Variants in ZNF718 observed in about 807,000 individuals in gnomAD.
ZNF718 encodes the protein zinc finger protein 718.
A neutral mutation model predicts 2.6 loss-of-function variants in ZNF718; 3 were observed. That is an observed-to-expected ratio of 1.16 (90% CI 0.53 to 3.01). ZNF718 has a LOEUF of 3.01. ZNF718 is among the 30% of genes most tolerant of loss of function. The probability of loss-of-function intolerance (pLI) is 0.03; values close to 1 mark genes in which losing one functional copy is unlikely to be tolerated. For synonymous variants in ZNF718, 135 were observed against 77.9 expected (o/e 1.73, Z -3.86); for missense variants, 468 against 230.0 (o/e 2.03, Z -6.69).
chr4:172,095 C>G (rs1717248752), intron 3 of ZNF718, among the ~76,000 whole-genome samples: 1 of 152,158 alleles, frequency 6.6e-6, no homozygotes, highest in South Asian at 2.1e-4. Flanking sequence ...ATATACCGTA[C>G]ATGGTGACTA....
At chr4:176,425 G>T (rs1717347056) in intron 3 of ZNF718, among the ~76,000 whole-genome samples, 1 of 152,030 alleles carries the variant, frequency 6.6e-6, no homozygotes, top group Non-Finnish European at 1.5e-5. Flanking sequence ...ACCCTCATTG[G>T]CCAGGCATCT....
chr4:162,193 ACT>A lies in ZNF718; in HGVS notation c.*74_*75del, dbSNP rs1175145644. 2.3e-5 allele frequency: 14 copies of A among 599,446 alleles called. No individual in the cohort carries two copies. The Admixed American group carries it at 3.5e-4, about 15-fold the overall frequency. 37.1% of individuals were successfully genotyped at this position (599,446 alleles called of 1,614,324 possible). A position where few individuals can be genotyped will look rare whatever the true frequency, so the allele number is the denominator to read the frequency against. On this transcript the variant is annotated 3_prime_UTR_variant, in exon 4 of 4. Transcript: ENST00000510175. ...TAATCATAATTCATACTGGAGAGAA[ACT>A]CTACACATGAAAAAATTGACAAAGC...
At chr4:200,340 G>A (rs1717874311) in intron 3 of ZNF718, among the ~76,000 whole-genome samples, 1 of 152,172 alleles carries the variant, frequency 6.6e-6, no homozygotes, top group Non-Finnish European at 1.5e-5. Context: ...TTGGCTCACT[G>A]CAACCTCTGC....
chr4:194,886 C>A (rs1442343216), intron 3 of ZNF718, among the ~76,000 whole-genome samples: 1 of 152,188 alleles, frequency 6.6e-6, no homozygotes, highest in Non-Finnish European at 1.5e-5. Flanking sequence ...CCTAGGGCAT[C>A]CTTTATGGTC....
In ZNF718 at chr4:161,109, AC is replaced by A. The variant is rs782090088; in HGVS notation, c.425del (p.Thr142LysfsTer22). 3 of 766,588 alleles carry A rather than the reference AC, an allele frequency of 3.9e-6. No individual in the cohort carries two copies. Among genetic ancestry groups the A allele is most frequent in the South Asian group, 2.7e-5 (2 of 73,352 alleles). The allele number at this position is 766,588 out of a possible 1,614,324, so 47.5% of individuals were successfully genotyped here. On this transcript the variant is annotated frameshift_variant, in exon 4 of 4. Coordinates refer to ENST00000510175, the MANE Select transcript of ZNF718 (RefSeq NM_001039127.6). LOFTEE classifies it low-confidence loss of function (END_TRUNC). ...ATGCTTATTAACTACCCAGAAAAAAACAATTCAATCTAATATATGTGTCAAA... is the reference window on the plus strand; with the variant it reads ...ATGCTTATTAACTACCCAGAAAAAAAAATTCAATCTAATATATGTGTCAAA... ...NQCLLTTQKKTIQSNICVKVF... is the reference protein window; with the variant it reads ...NQCLLTTQKKXIQSNICVKVF...
In ZNF718 at chr4:171,511, C is replaced by T. The variant is rs140632340; in HGVS notation, c.227-29570C>T. On this transcript the variant is annotated intron_variant and NMD_transcript_variant, in intron 3 of 4. Transcript: ENST00000642529. ...CTCCACCGAGTTCGAGTTTCCTGGC[C>T]GCTTTGTTTACCCCCTCAAGCCTCG... is the stretch of plus-strand genomic sequence containing the variant. Among the ~76,000 whole-genome samples, 566 of 152,224 alleles carry T rather than the reference C, an allele frequency of 3.7e-3. 2 individuals carry two copies. The highest frequency in any genetic ancestry group is 0.013 in the African/African-American group (530 of 41,542).
downstream of ZNF718, among the ~76,000 whole-genome samples, chr4:167,729 A>G (rs1282500078): frequency 2.0e-5 from 3 of 152,188 alleles, no homozygotes; most frequent in Non-Finnish European, 4.4e-5. Context: ...GAAGTTGCCT[A>G]TCAGCTTAAG....
At chr4:170,868 A>G (rs1717209903) in intron 3 of ZNF718, among the ~76,000 whole-genome samples, 2 of 152,108 alleles carry the variant, frequency 1.3e-5, no homozygotes, top group Non-Finnish European at 2.9e-5. Flanking sequence ...TTCTCTGTCC[A>G]GCTTTGTTCC....
chr4:152,028 A>T (rs1351197624), intron 3 of ZNF718, among the ~76,000 whole-genome samples: 1 of 148,002 alleles, frequency 6.8e-6, no homozygotes, highest in South Asian at 2.2e-4. Flanking sequence ...ATCATAGACA[A>T]TGTAAAGGAT....
At chr4:141,222 T>G (rs1367452581) in intron 3 of ZNF718, among the ~76,000 whole-genome samples, 1 of 152,190 alleles carries the variant, frequency 6.6e-6, no homozygotes, top group Non-Finnish European at 1.5e-5. Context: ...AATAGTTATC[T>G]AAAAGTTGGT....
At chr4:184,640 C>T (rs1248689349) in intron 3 of ZNF718, among the ~76,000 whole-genome samples, 2 of 152,036 alleles carry the variant, frequency 1.3e-5, no homozygotes, top group Non-Finnish European at 2.9e-5. Context: ...TCTGTCAGGT[C>T]CTGGGCTTTT....
chr4:170,185 T>C (rs1175112986), intron 3 of ZNF718, among the ~76,000 whole-genome samples: 1 of 152,232 alleles, frequency 6.6e-6, no homozygotes, highest in Non-Finnish European at 1.5e-5. Context: ...CCCCACTCTC[T>C]TCTGGCTTGT....
downstream of ZNF718, among the ~76,000 whole-genome samples, chr4:166,188 T>A (rs1553816784): frequency 6.6e-6 from 1 of 152,192 alleles, no homozygotes; most frequent in African/African-American, 2.4e-5. Flanking sequence ...ACTCATCATT[T>A]TTTATGGCTG....
At chr4:164,818 G>A (rs1383207809), downstream of ZNF718, among the ~76,000 whole-genome samples, 2 of 152,128 alleles carry the variant, frequency 1.3e-5, no homozygotes, top group Admixed American at 1.3e-4. Context: ...TATAACTTAT[G>A]AGGATGTTTT....
downstream of ZNF718, among the ~76,000 whole-genome samples, chr4:164,305 G>A (rs1381808354): frequency 6.6e-6 from 1 of 151,980 alleles, no homozygotes; most frequent in Non-Finnish European, 1.5e-5. Context: ...ATTGTGTTTG[G>A]AAATTTGTAC....
intron 3 of ZNF718, among the ~76,000 whole-genome samples, chr4:146,077 C>A (rs910244529): frequency 1.1e-3 from 161 of 143,092 alleles, no homozygotes; most frequent in Non-Finnish European, 2.0e-3. Flanking sequence ...ATATAGCCTT[C>A]TATATATATA....
intron 3 of ZNF718, among the ~76,000 whole-genome samples, chr4:191,254 T>C (rs1199680608): frequency 6.8e-6 from 1 of 147,308 alleles, no homozygotes; most frequent in Non-Finnish European, 1.5e-5. Context: ...GTTCAAGCAA[T>C]TCTCCTGTCT....
chr4:156,015 TG>T (rs1479107151), intron 3 of ZNF718, among the ~76,000 whole-genome samples: 13 of 152,296 alleles, frequency 8.5e-5, no homozygotes, highest in Admixed American at 6.5e-4. Context: ...CCCATTTGTT[TG>T]GTTCTTATTC....
At chr4:180,138 C>A (rs1717435130) in intron 3 of ZNF718, among the ~76,000 whole-genome samples, 1 of 152,162 alleles carries the variant, frequency 6.6e-6, no homozygotes, top group Non-Finnish European at 1.5e-5. Context: ...AGCAGGGCCT[C>A]CTGGGAGAGA....
Sources: gnomAD v4.1 joint callset for allele counts (sites outside exome capture counted in the v4.1 genomes callset) on GRCh38, gnomAD v4.1.1 for gene constraint, MANE v1.5 for transcripts, NCBI Gene and HGNC (gene_info 2026-07-23, HGNC 2026-07-21) for gene names.